The following NDUFAF6 variants were observed in gnomAD, a reference collection of about 807,000 sequenced individuals.
NDUFAF6 encodes NADH:ubiquinone oxidoreductase complex assembly factor 6.
In NDUFAF6, 45 loss-of-function variants were observed where a neutral mutation model predicts 40.8. The observed-to-expected ratio is 1.10, with a 90% CI of 0.87 to 1.42. NDUFAF6 has a LOEUF of 1.42. Among genes scored for constraint, NDUFAF6 ranks in the 40% most tolerant of loss-of-function variants. The probability of loss-of-function intolerance (pLI) is 0.00; values close to 1 mark genes in which losing one functional copy is unlikely to be tolerated. For missense variants in NDUFAF6, 435 were observed against 418.5 expected (o/e 1.04, Z -0.34); for synonymous variants, 185 against 155.9 (o/e 1.19, Z -1.39).
At chr8:95,104,892 C>T (rs1809773067), downstream of NDUFAF6, among the ~76,000 whole-genome samples, 1 of 152,086 alleles carries the variant, frequency 6.6e-6, no homozygotes, top group South Asian at 2.1e-4. Flanking sequence ...GAGTTTCTCT[C>T]TGAGAGAATA....
chr8:95,104,938 G>A (rs557896794), downstream of NDUFAF6, among the ~76,000 whole-genome samples: 3 of 152,166 alleles, frequency 2.0e-5, no homozygotes, highest in African/African-American at 7.2e-5. Flanking sequence ...ACAAAAGGAT[G>A]CCCAGAAAGA....
chr8:94,950,319 C>G (rs1019076984), intron 2 of NDUFAF6: 1 of 152,300 alleles, frequency 6.6e-6, no homozygotes, highest in African/African-American at 2.4e-5. Flanking sequence ...GACCAAGGCT[C>G]TGTCCCACAT....
chr8:95,073,211 C>T (rs542373703), intron 9 of NDUFAF6: 5 of 152,594 alleles, frequency 3.3e-5, no homozygotes, highest in East Asian at 2.0e-4. Flanking sequence ...GCCCCAACGG[C>T]GCTTTAGGCG....
At chr8:95,014,897 T>G (rs1827375011) in intron 2 of NDUFAF6, among the ~76,000 whole-genome samples, 1 of 152,206 alleles carries the variant, frequency 6.6e-6, no homozygotes, top group East Asian at 1.9e-4. Context: ...GTTGCATGCT[T>G]GCCAGTGTTG....
In NDUFAF6 at chr8:95,034,723, A is replaced by G. The variant is rs74395342; in HGVS notation, c.298-731A>G. ...ATGAAATATCCGTCTGACTCCCAGC[A>G]GTAATGTTAATTTTAGTCACTGAGT... On this transcript the variant is annotated intron_variant, in intron 2 of 8. Transcript: ENST00000396124. 0.12 allele frequency: 18,620 copies of G among 152,328 alleles called. 1,217 individuals are homozygous for G. Among genetic ancestry groups the G allele is most frequent in the Middle Eastern group, 0.23 (68 of 294 alleles). The allele number at this position is 152,328 out of a possible 1,614,324, so 9.4% of individuals were successfully genotyped here. A position where few individuals can be genotyped will look rare whatever the true frequency, so the allele number is the denominator to read the frequency against.
intron 2 of NDUFAF6, among the ~76,000 whole-genome samples, chr8:95,010,968 G>T (rs1827203582): frequency 6.6e-6 from 1 of 152,230 alleles, no homozygotes; most frequent in Non-Finnish European, 1.5e-5. Context: ...AGCACAGATA[G>T]TACATTAAAG....
chr8:95,008,768 C>T (rs1429001249), intron 2 of NDUFAF6, among the ~76,000 whole-genome samples: 2 of 152,198 alleles, frequency 1.3e-5, no homozygotes, highest in African/African-American at 4.8e-5. Flanking sequence ...CTCAGCCTCC[C>T]AAAGTGCTGG....
chr8:94,897,706 C>CTTT (rs11432186), intron 1 of NDUFAF6, among the ~76,000 whole-genome samples: 18,397 of 131,822 alleles, frequency 0.14, 1,786 homozygotes, highest in Non-Finnish European at 0.2. Context: ...TATTCTGTGC[C>CTTT]TTTTTTTTTT....
intron 4 of NDUFAF6, among the ~76,000 whole-genome samples, chr8:95,113,307 C>A (rs139222501): frequency 2.0e-5 from 3 of 152,294 alleles, no homozygotes; most frequent in African/African-American, 7.2e-5. Context: ...TTACTTCAGA[C>A]AAATGGTGCC....
At chr8:94,904,466 G>A (rs967501470) in intron 1 of NDUFAF6, among the ~76,000 whole-genome samples, 2 of 150,498 alleles carry the variant, frequency 1.3e-5, no homozygotes, top group African/African-American at 2.4e-5. Context: ...GTGAGCCACC[G>A]CGCCTGGCCT....
intron 2 of NDUFAF6, among the ~76,000 whole-genome samples, chr8:95,015,135 T>G (rs1459873594): frequency 6.6e-6 from 1 of 152,160 alleles, no homozygotes; most frequent in Non-Finnish European, 1.5e-5. Flanking sequence ...AAGAGTTCTG[T>G]CAGGGTGGTG....
intron 2 of NDUFAF6, among the ~76,000 whole-genome samples, chr8:95,008,457 A>G (rs538685378): frequency 3.5e-4 from 53 of 152,332 alleles, no homozygotes; most frequent in Middle Eastern, 3.4e-3. Context: ...AAGGAATTCT[A>G]TCCAGAGCTA....
At chr8:95,064,683 C>T (rs571904418) in intron 9 of NDUFAF6, among the ~76,000 whole-genome samples, 2 of 150,142 alleles carry the variant, frequency 1.3e-5, no homozygotes, top group African/African-American at 4.8e-5. Context: ...ATCTCTCTGA[C>T]CTTCTGCTCT....
chr8:94,986,988 T>A (rs1380496639), intron 2 of NDUFAF6, among the ~76,000 whole-genome samples: 1 of 152,196 alleles, frequency 6.6e-6, no homozygotes, highest in Admixed American at 6.5e-5. Flanking sequence ...GGAACACCAT[T>A]ATGAATAGAT....
intron 1 of NDUFAF6, among the ~76,000 whole-genome samples, chr8:94,971,979 A>G (rs570299860): frequency 6.6e-6 from 1 of 152,324 alleles, no homozygotes; most frequent in East Asian, 1.9e-4. Flanking sequence ...TGCAAATTGA[A>G]GAATGATGTA....
exon 2 of NDUFAF6, chr8:94,945,551 C>T (rs1216167028): frequency 1.3e-5 from 2 of 152,232 alleles, no homozygotes; most frequent in East Asian, 3.8e-4. Flanking sequence ...CCTGCCCAGT[C>T]ACTGCTACTG....
At chr8:94,983,533 T>C (rs904861162) in intron 2 of NDUFAF6, among the ~76,000 whole-genome samples, 4 of 152,172 alleles carry the variant, frequency 2.6e-5, no homozygotes, top group Non-Finnish European at 5.9e-5. Context: ...CCCAAAGTGC[T>C]AGGATTTACA....
intron 2 of NDUFAF6, among the ~76,000 whole-genome samples, chr8:94,946,692 G>A (rs1822024344): frequency 5.2e-5 from 1 of 19,208 alleles, no homozygotes; most frequent in African/African-American, 1.1e-4. Flanking sequence ...GTAAGACCCT[G>A]TCTCAAAAAA....
intron 2 of NDUFAF6, among the ~76,000 whole-genome samples, chr8:94,983,642 A>G (rs1034880617): frequency 1.3e-5 from 2 of 152,126 alleles, no homozygotes; most frequent in Admixed American, 6.5e-5. Flanking sequence ...AAACCTCACA[A>G]CAATACTGTG....
Sources: allele counts gnomAD v4.1 joint callset (sites outside exome capture counted in the v4.1 genomes callset), GRCh38; gene constraint gnomAD v4.1.1; transcripts MANE v1.5; gene names NCBI Gene and HGNC (gene_info 2026-07-23, HGNC 2026-07-21).